Variants in LSAMP observed in about 807,000 individuals in gnomAD.
LSAMP encodes the protein limbic system-associated membrane protein.
Under a neutral mutation model 38.6 loss-of-function variants are expected in LSAMP, and 7 were observed. The ratio of observed to expected loss-of-function variants is 0.18; its 90% CI spans 0.10 to 0.34. The LOEUF (loss-of-function observed/expected upper bound fraction) is 0.34. Among genes scored for constraint, LSAMP ranks in the 10% least tolerant of loss-of-function variants. LSAMP has a pLI of 1.00. For synonymous variants in LSAMP, 154 were observed against 166.8 expected (o/e 0.92, Z 0.59); for missense variants, 313 against 420.0 (o/e 0.75, Z 2.23).
intron 3 of LSAMP, among the ~76,000 whole-genome samples, chr3:115,893,530 A>C (rs1936652800): frequency 6.6e-6 from 1 of 152,032 alleles, no homozygotes; most frequent in African/African-American, 2.4e-5. Flanking sequence ...GGCAGGAAGA[A>C]TTATAAAAAT....
chr3:116,190,088 G>GACACACACACACACACACACAC (rs3071108), intron 1 of LSAMP, among the ~76,000 whole-genome samples: 77 of 142,798 alleles, frequency 5.4e-4, no homozygotes, highest in Admixed American at 1.2e-3. Context: ...TCCAGTAGTA[G>GACACACACACACACACACACAC]ACACACACAC....
At chr3:116,019,141 T>G (rs1940564158) in intron 3 of LSAMP, among the ~76,000 whole-genome samples, 1 of 112,504 alleles carries the variant, frequency 8.9e-6, no homozygotes, top group Non-Finnish European at 1.7e-5. Context: ...TGCTTCTGTA[T>G]TTGTTGCATT....
rs2048662267 is a variant in LSAMP, at chr3:116,389,140, G to A, written c.155+55737C>T. On this transcript the variant is annotated intron_variant, in intron 1 of 6. Coordinates refer to ENST00000490035, the MANE Select transcript of LSAMP (RefSeq NM_002338.5). ...GACAGGATGCTGAGACTTCTCTCCT[G>A]ACCTTGGGCCAAGACAATCTGCTTT... Among the ~76,000 whole-genome samples, 4 of 152,140 alleles carry A rather than the reference G, an allele frequency of 2.6e-5. No individual in the cohort carries two copies. In the South Asian group the frequency reaches 8.3e-4, roughly 32 times the overall value.
intron 1 of LSAMP, among the ~76,000 whole-genome samples, chr3:116,226,791 A>G (rs1263115266): frequency 6.6e-6 from 1 of 152,224 alleles, no homozygotes; most frequent in Non-Finnish European, 1.5e-5. Context: ...GATAACAGGA[A>G]GTCTACCTCT....
chr3:115,962,148 T>C (rs1938647583), intron 3 of LSAMP, among the ~76,000 whole-genome samples: 1 of 152,196 alleles, frequency 6.6e-6, no homozygotes, highest in Non-Finnish European at 1.5e-5. Context: ...AGCTGACGTT[T>C]GAATTAGAAC....
At chr3:116,064,164 T>C (rs1489736702) in intron 2 of LSAMP, among the ~76,000 whole-genome samples, 2 of 152,200 alleles carry the variant, frequency 1.3e-5, no homozygotes, top group Non-Finnish European at 2.9e-5. Flanking sequence ...GAGTTTCCTA[T>C]GCAAGATAAA....
At chr3:116,170,456 G>A (rs1710169444) in intron 1 of LSAMP, among the ~76,000 whole-genome samples, 1 of 152,068 alleles carries the variant, frequency 6.6e-6, no homozygotes, top group Admixed American at 6.6e-5. Flanking sequence ...TTGTATAACA[G>A]GCACTGGATA....
At chr3:116,296,393 T>C (rs2047333500) in intron 1 of LSAMP, among the ~76,000 whole-genome samples, 1 of 152,036 alleles carries the variant, frequency 6.6e-6, no homozygotes, top group Admixed American at 6.5e-5. Flanking sequence ...GTTCTTCAGG[T>C]GTCAGGCTTA....
chr3:115,833,261 G>C (rs1272352280), intron 6 of LSAMP, among the ~76,000 whole-genome samples: 1 of 151,660 alleles, frequency 6.6e-6, no homozygotes, highest in Non-Finnish European at 1.5e-5. Flanking sequence ...TATTTTCCAT[G>C]AACAGTAAGT....
intron 1 of LSAMP, among the ~76,000 whole-genome samples, chr3:116,091,525 C>G (rs1708123760): frequency 6.6e-6 from 1 of 152,122 alleles, no homozygotes; most frequent in Non-Finnish European, 1.5e-5. Flanking sequence ...TAAAGACAGG[C>G]ATAAGAAATT....
chr3:115,933,578 G>A (rs1386126015), intron 3 of LSAMP, among the ~76,000 whole-genome samples: 2 of 152,190 alleles, frequency 1.3e-5, no homozygotes, highest in Non-Finnish European at 2.9e-5. Flanking sequence ...AACATGGCCA[G>A]CAGGCAGAAA....
intron 1 of LSAMP, among the ~76,000 whole-genome samples, chr3:116,441,351 G>A (rs945922380): frequency 2.6e-5 from 4 of 152,084 alleles, no homozygotes; most frequent in Non-Finnish European, 5.9e-5. Flanking sequence ...ATCCAGATAC[G>A]CATGTGTATG....
At chr3:115,880,803 G>A (rs1285960745) in intron 3 of LSAMP, among the ~76,000 whole-genome samples, 5 of 151,870 alleles carry the variant, frequency 3.3e-5, no homozygotes, top group Admixed American at 6.6e-5. Context: ...AGGCTGAGGC[G>A]GGAAGATCAT....
chr3:116,419,334 A>T (rs1458720850), intron 1 of LSAMP, among the ~76,000 whole-genome samples: 1 of 152,162 alleles, frequency 6.6e-6, no homozygotes, highest in African/African-American at 2.4e-5. Context: ...TCTTTTTTTA[A>T]TCCCCTGAAT....
chr3:115,880,505 G>T lies in LSAMP; in HGVS notation c.515-27888C>A, dbSNP rs77505421. On this transcript the variant is annotated intron_variant, in intron 3 of 6. Coordinates refer to ENST00000490035, the MANE Select transcript of LSAMP (RefSeq NM_002338.5). ...GACAACCAAATTTTCCTCTTGAGAT[G>T]CTCTTGAAAACAACTTTAATATCCC... 5.7e-3 allele frequency among the ~76,000 whole-genome samples: 860 copies of T among 152,182 alleles called. 8 individuals carry two copies. Among genetic ancestry groups the T allele is most frequent in the African/African-American group, 0.02 (830 of 41,542 alleles).
chr3:115,839,258 T>TTTCCTTCCTTCCTTCC (rs1282332097), intron 6 of LSAMP, among the ~76,000 whole-genome samples: 7 of 105,230 alleles, frequency 6.7e-5, no homozygotes, highest in South Asian at 7.4e-4. Flanking sequence ...TCCTTCCTTC[T>TTTCCTTCCTTCCTTCC]TTCTTTCCTT....
At chr3:116,038,257 G>A (rs369225593) in intron 2 of LSAMP, among the ~76,000 whole-genome samples, 23 of 152,170 alleles carry the variant, frequency 1.5e-4, no homozygotes, top group African/African-American at 5.1e-4. Context: ...AAAATAATGC[G>A]TGTGAAATAC....
At chr3:116,210,135 C>T (rs2046135970) in intron 1 of LSAMP, among the ~76,000 whole-genome samples, 1 of 152,086 alleles carries the variant, frequency 6.6e-6, no homozygotes, top group African/African-American at 2.4e-5. Flanking sequence ...TTGTGTCTCA[C>T]GTTTCATTTG....
chr3:116,433,748 TCA>T (rs1170027073), intron 1 of LSAMP, among the ~76,000 whole-genome samples: 4 of 152,252 alleles, frequency 2.6e-5, no homozygotes, highest in East Asian at 1.9e-4. Flanking sequence ...CCCTGAAAAT[TCA>T]CAGTCACCCC....
Sources: gnomAD v4.1 joint callset for allele counts (sites outside exome capture counted in the v4.1 genomes callset) on GRCh38, gnomAD v4.1.1 for gene constraint, MANE v1.5 for transcripts, NCBI Gene and HGNC (gene_info 2026-07-23, HGNC 2026-07-21) for gene names.